The following AMOTL1 variants were observed in gnomAD, a reference collection of about 807,000 sequenced individuals.
The protein encoded by AMOTL1 is angiomotin-like protein 1.
AMOTL1 carries 45 observed loss-of-function variants against 102.9 expected under a neutral mutation model. That is an observed-to-expected ratio of 0.44 (90% CI 0.34 to 0.56). The LOEUF (loss-of-function observed/expected upper bound fraction) is 0.56. Ranked by LOEUF, AMOTL1 falls within the 20% of genes least tolerant of loss-of-function variation. The pLI is 0.01. For missense variants in AMOTL1, 1,114 were observed against 1,225.6 expected, an observed-to-expected ratio of 0.91 and a Z score of 1.36; for synonymous variants, 481 against 484.7, an observed-to-expected ratio of 0.99 and a Z score of 0.10.
chr11:94,767,460 A>C (rs1440176330), upstream of AMOTL1, among the ~76,000 whole-genome samples: 1 of 152,162 alleles, frequency 6.6e-6, no homozygotes, highest in African/African-American at 2.4e-5. Flanking sequence ...CCTAGATAGC[A>C]GGTAAACAGA....
intron 2 of AMOTL1, among the ~76,000 whole-genome samples, chr11:94,731,655 A>G (rs535681977): frequency 6.6e-5 from 10 of 152,224 alleles, no homozygotes; most frequent in Non-Finnish European, 1.3e-4. Flanking sequence ...GACTATCTCA[A>G]TTAATTCTCA....
chr11:94,792,693 A>C (rs1306679062), intron 1 of AMOTL1, among the ~76,000 whole-genome samples: 1 of 152,216 alleles, frequency 6.6e-6, no homozygotes, highest in Non-Finnish European at 1.5e-5. Flanking sequence ...TGTGTGAAGA[A>C]GTCCTAAGTG....
intron 4 of AMOTL1, among the ~76,000 whole-genome samples, chr11:94,825,505 G>C (rs1432164041): frequency 6.6e-6 from 1 of 152,146 alleles, no homozygotes; most frequent in East Asian, 1.9e-4. Context: ...TTGTAGTTCT[G>C]TCTCTGGGAC....
At position 94,778,658 on chromosome 11, in the gene AMOTL1, A is replaced by T. The variant is rs147826118; in HGVS notation, c.49+10098A>T. ...GTTGCAGTTACTATTGCAACATTTT[A>T]TTATGCTTATAGATTCTATGGGTCT... On this transcript the variant is annotated intron_variant, in intron 1 of 12. Coordinates refer to ENST00000433060, the MANE Select transcript of AMOTL1 (RefSeq NM_130847.3). Among the ~76,000 whole-genome samples, 700 of 152,316 alleles carry T rather than the reference A, an allele frequency of 4.6e-3. 9 individuals carry two copies. Among genetic ancestry groups the T allele is most frequent in the African/African-American group, 0.016 (652 of 41,556 alleles).
intron 1 of AMOTL1, among the ~76,000 whole-genome samples, chr11:94,787,648 A>T (rs1481290280): frequency 1.6e-5 from 2 of 122,278 alleles, no homozygotes; most frequent in Admixed American, 1.2e-4. Context: ...AGATCGCGCC[A>T]CTGCACTCCA....
rs189232688 is a variant in AMOTL1 at position 94,868,654 on chromosome 11, G to A, written c.2489-544G>A. 8.1e-4 allele frequency among the ~76,000 whole-genome samples: 123 copies of A among 152,268 alleles called. 1 individual carries two copies. Among genetic ancestry groups the A allele is most frequent in the Admixed American group, 6.5e-3 (99 of 15,296 alleles). ...CATCATCCATTACAAGGAGTGGGGT[G>A]GAATTGTGAACTATTCAGAAGAGCA... is the stretch of plus-strand genomic sequence containing the variant. On this transcript the variant is annotated intron_variant, in intron 11 of 12. Coordinates refer to ENST00000433060, the MANE Select transcript of AMOTL1 (RefSeq NM_130847.3).
chr11:94,792,344 G>A (rs1021017055), intron 1 of AMOTL1, among the ~76,000 whole-genome samples: 1 of 152,210 alleles, frequency 6.6e-6, no homozygotes, highest in Non-Finnish European at 1.5e-5. Flanking sequence ...GGGAGGGATA[G>A]CATTAGGAGA....
rs1953081384 is a variant in AMOTL1 at position 94,875,605 on chromosome 11, C to G, written c.*4810C>G. ...GCTTGGCATGTTCCTTTGGTTTACC[C>G]TTAGAGATGAGAAATCCTCCTCCTT... is the stretch of plus-strand genomic sequence containing the variant. On this transcript the variant is annotated 3_prime_UTR_variant, in exon 13 of 13. Coordinates refer to ENST00000433060, the MANE Select transcript of AMOTL1 (RefSeq NM_130847.3). 2.0e-5 allele frequency: 3 copies of G among 150,398 alleles called. No homozygotes were observed. In the South Asian group the frequency reaches 6.2e-4, roughly 31 times the overall value. The allele number at this position is 150,398 out of a possible 1,614,324, so 9.3% of individuals were successfully genotyped here. A position where few individuals can be genotyped will look rare whatever the true frequency, so the allele number is the denominator to read the frequency against.
At chr11:94,788,972 G>C (rs1192096361) in intron 1 of AMOTL1, among the ~76,000 whole-genome samples, 1 of 152,134 alleles carries the variant, frequency 6.6e-6, no homozygotes, top group Non-Finnish European at 1.5e-5. Context: ...TAGAATTCAA[G>C]TTTGATGCCC....
chr11:94,860,533 C>T (rs948448130), intron 9 of AMOTL1, among the ~76,000 whole-genome samples: 5 of 152,164 alleles, frequency 3.3e-5, no homozygotes, highest in Admixed American at 2.6e-4. Context: ...GCACTCTTGA[C>T]CTTTGGCCAC....
intron 3 of AMOTL1, among the ~76,000 whole-genome samples, chr11:94,744,868 GA>G (rs1179971904): frequency 1.3e-5 from 2 of 152,166 alleles, no homozygotes; most frequent in African/African-American, 4.8e-5. Flanking sequence ...AGTGCAAGAT[GA>G]ATGTTAGCTA....
At chr11:94,798,903 G>A (rs1951414850) in intron 2 of AMOTL1, among the ~76,000 whole-genome samples, 1 of 152,134 alleles carries the variant, frequency 6.6e-6, no homozygotes, top group African/African-American at 2.4e-5. Flanking sequence ...CAGTGGGGAG[G>A]TTAGTGGATG....
upstream of AMOTL1, among the ~76,000 whole-genome samples, chr11:94,765,838 T>G (rs1950849035): frequency 6.6e-6 from 1 of 152,236 alleles, no homozygotes; most frequent in South Asian, 2.1e-4. Flanking sequence ...GTTAATGAAC[T>G]GATCTTCAAA....
At chr11:94,768,254 G>T, upstream of AMOTL1, 1 of 1,207,518 alleles carries the variant, frequency 8.3e-7, no homozygotes, top group South Asian at 3.0e-5. Context: ...GGGCCCAGCG[G>T]CCGGGCGCCA....
intron 1 of AMOTL1, among the ~76,000 whole-genome samples, chr11:94,785,710 T>C (rs571044274): frequency 9.8e-5 from 15 of 152,288 alleles, no homozygotes; most frequent in African/African-American, 3.4e-4. Context: ...TACACACTAA[T>C]AGGGTCCGGA....
At chr11:94,857,076 G>A (rs529403905) in intron 8 of AMOTL1, among the ~76,000 whole-genome samples, 46 of 152,264 alleles carry the variant, frequency 3.0e-4, no homozygotes, top group African/African-American at 7.0e-4. Context: ...AACCAGCCAC[G>A]GTTGAATCCT....
intron 3 of AMOTL1, among the ~76,000 whole-genome samples, chr11:94,811,928 A>G (rs1951690623): frequency 6.6e-6 from 1 of 152,234 alleles, no homozygotes; most frequent in African/African-American, 2.4e-5. Flanking sequence ...GAAGCAAGCT[A>G]AAACTCCAGA....
In AMOTL1 at chr11:94,808,370, G is replaced by A. The variant is rs533773764; in HGVS notation, c.1121+8059G>A. Among the ~76,000 whole-genome samples, 16 of 152,246 alleles carry A rather than the reference G, an allele frequency of 1.1e-4. No individual in the cohort carries two copies. The South Asian group carries it at 3.3e-3, about 32-fold the overall frequency. On this transcript the variant is annotated intron_variant, in intron 3 of 12. Coordinates refer to ENST00000433060, the MANE Select transcript of AMOTL1 (RefSeq NM_130847.3). ...CTCTATTAATTTTGCATAGGAAAAT[G>A]TCTATTTAGCCCCCTGCATTTTCTC...
chr11:94,787,219 A>C (rs1951204099), intron 1 of AMOTL1, among the ~76,000 whole-genome samples: 1 of 152,140 alleles, frequency 6.6e-6, no homozygotes, highest in Non-Finnish European at 1.5e-5. Context: ...CTTTCTCATA[A>C]TTAGTATATA....
Sources: gnomAD v4.1 joint callset for allele counts (sites outside exome capture counted in the v4.1 genomes callset) on GRCh38, gnomAD v4.1.1 for gene constraint, MANE v1.5 for transcripts, NCBI Gene and HGNC (gene_info 2026-07-23, HGNC 2026-07-21) for gene names.